CEP112: variants seen among roughly 807,000 people sequenced by gnomAD.
CEP112 encodes the protein centrosomal protein 112.
A neutral mutation model predicts 153.0 loss-of-function variants in CEP112; 127 were observed. The observed-to-expected ratio is 0.83, with a 90% confidence interval of 0.72 to 0.96. The LOEUF is 0.96. Ranked by LOEUF, CEP112 falls within the 40% of genes least tolerant of loss-of-function variation. CEP112 has a pLI of 0.00. For synonymous variants in CEP112, 358 were observed against 374.4 expected, an observed-to-expected ratio of 0.96 and a Z score of 0.51; for missense variants, 1,089 against 1,101.2, an observed-to-expected ratio of 0.99 and a Z score of 0.16.
chr17:66,141,714 T>C (rs1209107665), intron 4 of CEP112, among the ~76,000 whole-genome samples: 4 of 152,192 alleles, frequency 2.6e-5, no homozygotes, highest in Non-Finnish European at 5.9e-5. Flanking sequence ...ATGATAGCAT[T>C]TCCTTTTATT....
At chr17:66,004,686 C>T (rs570397472) in intron 17 of CEP112, among the ~76,000 whole-genome samples, 1 of 152,278 alleles carries the variant, frequency 6.6e-6, no homozygotes, top group African/African-American at 2.4e-5. Flanking sequence ...TATTCAGGAA[C>T]TGAGCCAATA....
intron 17 of CEP112, among the ~76,000 whole-genome samples, chr17:65,991,667 T>C (rs989920520): frequency 3.3e-5 from 5 of 152,108 alleles, no homozygotes; most frequent in Admixed American, 2.6e-4. Context: ...CACTTACATA[T>C]TAGGTACAGA....
chr17:65,886,805 T>C (rs750672013), intron 20 of CEP112, among the ~76,000 whole-genome samples: 16 of 152,284 alleles, frequency 1.1e-4, no homozygotes, highest in Admixed American at 3.3e-4. Flanking sequence ...CTGAGCTCAA[T>C]CTACACAACC....
chr17:65,636,461 C>T (rs2044773657), intron 26 of CEP112, among the ~76,000 whole-genome samples: 1 of 152,158 alleles, frequency 6.6e-6, no homozygotes, highest in African/African-American at 2.4e-5. Flanking sequence ...CTAGCAAGTA[C>T]TGCATCATCT....
intron 19 of CEP112, among the ~76,000 whole-genome samples, chr17:65,922,506 C>G (rs1295424934): frequency 1.3e-5 from 2 of 151,652 alleles, no homozygotes; most frequent in Non-Finnish European, 2.9e-5. Flanking sequence ...TGTGCCAAAA[C>G]AATTACAAAA....
intron 23 of CEP112, among the ~76,000 whole-genome samples, chr17:65,711,867 A>C (rs1007510562): frequency 6.6e-6 from 1 of 152,338 alleles, no homozygotes; most frequent in African/African-American, 2.4e-5. Flanking sequence ...CCGTTACCAA[A>C]CAACCACACG....
intron 23 of CEP112, among the ~76,000 whole-genome samples, chr17:65,701,895 TTTG>T (rs2048654280): frequency 6.6e-6 from 1 of 150,872 alleles, no homozygotes; most frequent in African/African-American, 2.4e-5. Context: ...TCTTTTTTTT[TTTG>T]TTTTTTTTTT....
intron 21 of CEP112, among the ~76,000 whole-genome samples, chr17:65,821,497 TA>T (rs1346466586): frequency 2.6e-5 from 3 of 117,132 alleles, no homozygotes; most frequent in African/African-American, 1.0e-4. Context: ...TATATATAAT[TA>T]TATATATATA....
At chr17:65,827,128 C>T (rs1555673581) in intron 21 of CEP112, among the ~76,000 whole-genome samples, 1 of 152,240 alleles carries the variant, frequency 6.6e-6, no homozygotes, top group Non-Finnish European at 1.5e-5. Flanking sequence ...ACTTAAACCA[C>T]TGGCTTGCCA....
At chr17:65,875,496 T>C (rs539532852) in intron 20 of CEP112, among the ~76,000 whole-genome samples, 1 of 152,270 alleles carries the variant, frequency 6.6e-6, no homozygotes, top group East Asian at 1.9e-4. Flanking sequence ...TACCTTTACG[T>C]ACTTCATAAA....
intron 6 of CEP112, among the ~76,000 whole-genome samples, chr17:66,121,036 T>C (rs964317421): frequency 2.6e-5 from 4 of 152,198 alleles, no homozygotes; most frequent in Non-Finnish European, 5.9e-5. Context: ...CCCAGCACTT[T>C]GGGAGGCCGA....
intron 17 of CEP112, among the ~76,000 whole-genome samples, chr17:65,995,594 G>C (rs753259328): frequency 5.9e-5 from 9 of 152,166 alleles, no homozygotes; most frequent in Non-Finnish European, 1.2e-4. Context: ...GGCTTATTCA[G>C]TCCTCGGAGC....
At chr17:65,862,203 C>T (rs1181331634) in intron 20 of CEP112, among the ~76,000 whole-genome samples, 1 of 152,152 alleles carries the variant, frequency 6.6e-6, no homozygotes, top group Non-Finnish European at 1.5e-5. Flanking sequence ...ACTATCAACA[C>T]ACAATTATGA....
chr17:66,162,723 A>G (rs150837371), intron 4 of CEP112, among the ~76,000 whole-genome samples: 65 of 152,284 alleles, frequency 4.3e-4, no homozygotes, highest in Non-Finnish European at 8.1e-4. Flanking sequence ...CATAATACAG[A>G]ATAGTGGTTC....
At chr17:65,927,104 T>C (rs187907420) in intron 19 of CEP112, among the ~76,000 whole-genome samples, 1 of 141,458 alleles carries the variant, frequency 7.1e-6, no homozygotes, top group Non-Finnish European at 1.5e-5. Context: ...ACTCTGAGTT[T>C]GAGTGACCTG....
At chr17:65,850,941 A>T (rs1388419466) in intron 21 of CEP112, among the ~76,000 whole-genome samples, 2 of 152,228 alleles carry the variant, frequency 1.3e-5, no homozygotes. Flanking sequence ...CTGACTTTCA[A>T]ATTAATTAAA....
Position 65,884,706 on chromosome 17 carries a change from C to CTT in CEP112, c.2163+17444_2163+17445dup, listed in dbSNP as rs11370374. Among the ~76,000 whole-genome samples, 254 of 130,482 alleles carry CTT rather than the reference C, an allele frequency of 1.9e-3. 1 individual carries two copies. The highest frequency in any genetic ancestry group is 5.0e-3 in the Middle Eastern group (1 of 202). The allele number at this position is 130,482 out of a possible 152,430, so 85.6% of individuals were successfully genotyped here. A position where few individuals can be genotyped will look rare whatever the true frequency, so the allele number is the denominator to read the frequency against. On this transcript the variant is annotated intron_variant, in intron 20 of 26. Coordinates refer to ENST00000535342, the MANE Select transcript of CEP112 (RefSeq NM_001199165.4). ...TAGTTTGGATATTAGTTTGTAGTTT[C>CTT]TTTTTTTTTTTTCTTTTTTTTTTTT...
intron 21 of CEP112, among the ~76,000 whole-genome samples, chr17:65,804,965 CAGCCTCCAGAGT>C (rs1299850759): frequency 6.6e-6 from 1 of 151,922 alleles, no homozygotes; most frequent in Non-Finnish European, 1.5e-5. Flanking sequence ...CCTCCCACCT[CAGCCTCCAGAGT>C]AGATTGCAGT....
At chr17:65,721,536 T>A (rs2049887230) in intron 23 of CEP112, among the ~76,000 whole-genome samples, 1 of 152,202 alleles carries the variant, frequency 6.6e-6, no homozygotes, top group Admixed American at 6.5e-5. Context: ...GCTGTATTGA[T>A]CTCTTTTATT....
Sources: gnomAD v4.1 joint callset for allele counts (sites outside exome capture counted in the v4.1 genomes callset) on GRCh38, gnomAD v4.1.1 for gene constraint, MANE v1.5 for transcripts, NCBI Gene and HGNC (gene_info 2026-07-23, HGNC 2026-07-21) for gene names.